Variants in KCNH5 observed in about 807,000 individuals in gnomAD.
KCNH5 encodes voltage-gated delayed rectifier potassium channel KCNH5.
In KCNH5, 46 loss-of-function variants were observed where a neutral mutation model predicts 96.1. That is an observed-to-expected ratio of 0.48 (90% CI 0.38 to 0.61). The LOEUF (loss-of-function observed/expected upper bound fraction) is 0.61. Ranked by LOEUF, KCNH5 falls within the 20% of genes least tolerant of loss-of-function variation. KCNH5 has a pLI of 0.00. For synonymous variants in KCNH5, 439 were observed against 449.8 expected (o/e 0.98, Z 0.30); for missense variants, 907 against 1,225.8 (o/e 0.74, Z 3.88).
chr14:62,846,710 T>G (rs1887698256), intron 8 of KCNH5, among the ~76,000 whole-genome samples: 1 of 151,028 alleles, frequency 6.6e-6, no homozygotes, highest in African/African-American at 2.4e-5. Flanking sequence ...ATCTATTCCC[T>G]CTCTTTTCTT....
Position 62,707,723 on chromosome 14 carries a change from T to G in KCNH5, c.2752A>C (p.Lys918Gln). 1 of 1,608,852 alleles carries G rather than the reference T, an allele frequency of 6.2e-7. No homozygotes were observed. The highest frequency in any genetic ancestry group is 2.2e-5 in the East Asian group (1 of 44,650). The change falls in exon 11 of 11, where the codon AAA (lysine) becomes CAA (glutamine). Residue 918 changes from lysine to glutamine, a missense_variant. Lys to Gln is a moderately conservative substitution (Grantham distance 53). This residue lies in a region of KCNH5 where 362 missense variants were observed against 394.4 expected (regional missense o/e 0.92). Transcript: ENST00000322893. ...TTLQEVKHELKEDIQLLSCRM... is the reference protein window; with the variant it reads ...TTLQEVKHELQEDIQLLSCRM... The stretch of plus-strand genomic sequence containing the variant: ...CAGCTGAGCAGCTGGATGTCCTCTT[T>G]GAGTTCGTGTTTGACTTCCTGCAGT...
chr14:62,926,116 T>C (rs1889471236), intron 7 of KCNH5, among the ~76,000 whole-genome samples: 1 of 152,136 alleles, frequency 6.6e-6, no homozygotes, highest in South Asian at 2.1e-4. Flanking sequence ...GTGGATGGTA[T>C]AGAAGGAAAA....
chr14:62,829,820 C>T (rs1003507776), intron 8 of KCNH5, among the ~76,000 whole-genome samples: 3 of 152,184 alleles, frequency 2.0e-5, no homozygotes, highest in Non-Finnish European at 2.9e-5. Flanking sequence ...CTTGAATTTC[C>T]TCCAGAAAAT....
chr14:63,017,146 G>A (rs938864908), intron 1 of KCNH5, among the ~76,000 whole-genome samples, 192 bp from the exon 2 acceptor site: 5 of 151,836 alleles, frequency 3.3e-5, no homozygotes, highest in South Asian at 2.1e-4. Context: ...AATAAATATC[G>A]AATTTATATA....
intron 6 of KCNH5, among the ~76,000 whole-genome samples, chr14:62,956,252 C>G (rs1890101995): frequency 6.6e-6 from 1 of 152,030 alleles, no homozygotes; most frequent in Non-Finnish European, 1.5e-5. Flanking sequence ...GAGCTAGATA[C>G]AAAAGAGTAT....
At chr14:63,033,876 C>G (rs748700331) in intron 1 of KCNH5, among the ~76,000 whole-genome samples, 18 of 151,822 alleles carry the variant, frequency 1.2e-4, no homozygotes, top group Admixed American at 3.9e-4. Flanking sequence ...TGAATGGCCT[C>G]TAGAAACTTG....
At chr14:62,927,099 C>T (rs1889490919) in intron 7 of KCNH5, among the ~76,000 whole-genome samples, 1 of 152,112 alleles carries the variant, frequency 6.6e-6, no homozygotes, top group Non-Finnish European at 1.5e-5. Flanking sequence ...TGAATAGACC[C>T]TTCTTCAAAG....
chr14:62,739,109 T>C (rs1202495593), intron 10 of KCNH5, among the ~76,000 whole-genome samples: 1 of 152,142 alleles, frequency 6.6e-6, no homozygotes, highest in Non-Finnish European at 1.5e-5. Context: ...TATGAATATT[T>C]AAGGATCATC....
intron 10 of KCNH5, among the ~76,000 whole-genome samples, chr14:62,758,013 C>T (rs1219518097): frequency 2.0e-5 from 3 of 151,902 alleles, no homozygotes; most frequent in Admixed American, 6.6e-5. Flanking sequence ...GGTGTGGTGG[C>T]ATGCACCTGT....
At chr14:62,865,703 T>C (rs1888121806) in intron 7 of KCNH5, among the ~76,000 whole-genome samples, 1 of 152,200 alleles carries the variant, frequency 6.6e-6, no homozygotes, top group Non-Finnish European at 1.5e-5. Flanking sequence ...ATCCCTTCAG[T>C]TGTGTACTTT....
At chr14:62,730,940 A>C (rs1034171317) in intron 10 of KCNH5, among the ~76,000 whole-genome samples, 5 of 152,222 alleles carry the variant, frequency 3.3e-5, no homozygotes, top group African/African-American at 1.2e-4. Context: ...TTTTCCACTG[A>C]ATTTATTTTA....
rs756762489 is a variant in KCNH5 at position 62,700,789 on chromosome 14, G to A, written c.*6719C>T. 1 of 152,128 alleles carries A rather than the reference G, an allele frequency of 6.6e-6. No homozygotes were observed. Among genetic ancestry groups the A allele is most frequent in the African/African-American group, 2.4e-5 (1 of 41,434 alleles). The allele number at this position is 152,128 out of a possible 1,614,324, so 9.4% of individuals were successfully genotyped here. On this transcript the variant is annotated 3_prime_UTR_variant, in exon 11 of 11. Transcript: ENST00000322893. ...GAATCTTTCCCGCTATAATTTGGTT[G>A]AAAAAGTTGAGGAGCAAATGAGGGG... is the stretch of plus-strand genomic sequence containing the variant.
At chr14:62,762,154 A>C (rs967510299) in intron 10 of KCNH5, among the ~76,000 whole-genome samples, 6 of 152,018 alleles carry the variant, frequency 3.9e-5, no homozygotes, top group Non-Finnish European at 7.4e-5. Context: ...TTGGCTTGGG[A>C]AAGTCAGAGA....
At chr14:62,781,233 G>A (rs1415232605) in intron 9 of KCNH5, among the ~76,000 whole-genome samples, 2 of 152,124 alleles carry the variant, frequency 1.3e-5, no homozygotes, top group Admixed American at 6.5e-5. Context: ...AAAAGGGGAG[G>A]GAGTGTGCGA....
chr14:62,739,444 A>T (rs1028625416), intron 10 of KCNH5, among the ~76,000 whole-genome samples: 6 of 151,820 alleles, frequency 4.0e-5, no homozygotes, highest in Admixed American at 6.6e-5. Flanking sequence ...TATGCGAGAA[A>T]TTTTTTTTTC....
At chr14:62,774,416 G>A (rs1886054338) in intron 10 of KCNH5, among the ~76,000 whole-genome samples, 4 of 152,330 alleles carry the variant, frequency 2.6e-5, no homozygotes, top group African/African-American at 9.6e-5. Flanking sequence ...TTATAAGCAA[G>A]TCTTTCAAAG....
rs1247358782 is a variant in KCNH5, at chr14:62,966,197, T to C, written c.942+14675A>G. On this transcript the variant is annotated intron_variant, in intron 6 of 10. Coordinates refer to ENST00000322893, the MANE Select transcript of KCNH5 (RefSeq NM_139318.5). Reference sequence around the variant, plus strand: ...ATCTTCTGAAAGTGCACACTGGGCATTTGATCATAAACTCTGTATTTGTAT... The same window carrying C: ...ATCTTCTGAAAGTGCACACTGGGCACTTGATCATAAACTCTGTATTTGTAT... Among the ~76,000 whole-genome samples the C allele has an allele frequency of 2.0e-5, 3 of 152,184 alleles. No individual in the cohort carries two copies. In the East Asian group the frequency reaches 5.8e-4, roughly 29 times the overall value.
At chr14:62,819,247 A>G (rs1270026) in intron 8 of KCNH5, among the ~76,000 whole-genome samples, 146,234 of 152,264 alleles carry the variant, frequency 0.96, 70,263 homozygotes, top group East Asian at 1. Flanking sequence ...GATTACAGGC[A>G]TGAGCCACCG....
intron 10 of KCNH5, among the ~76,000 whole-genome samples, chr14:62,728,390 GAAAA>G (rs5809167): frequency 7.8e-6 from 1 of 127,792 alleles, no homozygotes; most frequent in Non-Finnish European, 1.6e-5. Context: ...CTGTCTCAAA[GAAAA>G]AAAAAAAAAA....
Sources: gnomAD v4.1 joint callset for allele counts (sites outside exome capture counted in the v4.1 genomes callset) on GRCh38, gnomAD v4.1.1 for gene constraint, gnomAD v4.1.1 regional missense constraint, MANE v1.5 for transcripts, NCBI Gene and HGNC (gene_info 2026-07-23, HGNC 2026-07-21) for gene names.